USPL1: variants seen among roughly 807,000 people sequenced by gnomAD.
USPL1 encodes the protein ubiquitin specific peptidase like 1.
In USPL1, 27 loss-of-function variants were observed where a neutral mutation model predicts 51.5. That is an observed-to-expected ratio of 0.52 (90% confidence interval 0.39 to 0.72). The LOEUF (loss-of-function observed/expected upper bound fraction) is 0.72, where lower values mean the gene tolerates loss of function less well. Among genes scored for constraint, USPL1 ranks in the 30% least tolerant of loss-of-function variants. USPL1 has a pLI of 0.00. For synonymous variants in USPL1, 451 were observed against 459.6 expected (o/e 0.98, Z 0.24); for missense variants, 1,226 against 1,268.0 (o/e 0.97, Z 0.50).
In USPL1 at chr13:30,659,550, TCTC is replaced by T. The variant is rs144437122; in HGVS notation, c.*197_*199del. 44,064 of 499,294 alleles carry T rather than the reference TCTC, an allele frequency of 0.088. 2,205 individuals are homozygous for T. The highest frequency in any genetic ancestry group is 0.11 in the Middle Eastern group (212 of 1,884). 30.9% of individuals were successfully genotyped at this position (499,294 alleles called of 1,614,324 possible). Reference sequence around the variant, plus strand: ...TACACATTAAAATCACTGAATGTGTTCTCCTTTTTGGTTTCATTTTGTTCTTGT... The same window carrying T: ...TACACATTAAAATCACTGAATGTGTTCTTTTTGGTTTCATTTTGTTCTTGT... On this transcript the variant is annotated 3_prime_UTR_variant, in exon 9 of 9. Transcript: ENST00000255304.
At chr13:30,646,316 AAAC>A (rs982119719) in intron 6 of USPL1, among the ~76,000 whole-genome samples, 1 of 152,098 alleles carries the variant, frequency 6.6e-6, no homozygotes, top group Non-Finnish European at 1.5e-5. Context: ...TAACCTGTGA[AAAC>A]AAAATTTGTT....
chr13:30,645,345 C>G (rs984429160), intron 6 of USPL1, among the ~76,000 whole-genome samples: 3 of 152,248 alleles, frequency 2.0e-5, no homozygotes, highest in African/African-American at 4.8e-5. Context: ...AGATAATACA[C>G]GAACACATAA....
chr13:30,655,393 C>T (rs1258574374), intron 8 of USPL1, among the ~76,000 whole-genome samples: 2 of 152,180 alleles, frequency 1.3e-5, no homozygotes, highest in African/African-American at 4.8e-5. Flanking sequence ...CTAAATTGGC[C>T]TGAAGTGACA....
intron 4 of USPL1, 133 bp downstream of exon 4, chr13:30,631,607 C>A: frequency 1.6e-5 from 13 of 817,016 alleles, no homozygotes; most frequent in Non-Finnish European, 2.2e-5. Flanking sequence ...CTCAGGTGGG[C>A]CTCCCACCTC....
chr13:30,633,887 T>C (rs948820580), intron 4 of USPL1, among the ~76,000 whole-genome samples: 2 of 151,840 alleles, frequency 1.3e-5, no homozygotes, highest in African/African-American at 4.8e-5. Flanking sequence ...ACAAATTGAA[T>C]GCTTTTTCCA....
At chr13:30,648,277 T>C (rs1039032828) in intron 7 of USPL1, among the ~76,000 whole-genome samples, 17 of 152,258 alleles carry the variant, frequency 1.1e-4, no homozygotes, top group African/African-American at 4.1e-4. Context: ...CCAAATACTT[T>C]AAAGACTTAT....
At chr13:30,649,393 A>T (rs1951058875) in intron 7 of USPL1, among the ~76,000 whole-genome samples, 1 of 152,224 alleles carries the variant, frequency 6.6e-6, no homozygotes, top group Admixed American at 6.5e-5. Context: ...TGGGTTCATC[A>T]TGGTGTCATA....
chr13:30,622,901 AT>A (rs1253669805), intron 3 of USPL1, among the ~76,000 whole-genome samples: 1 of 152,074 alleles, frequency 6.6e-6, no homozygotes, highest in Non-Finnish European at 1.5e-5. Flanking sequence ...ATATTCAGTA[AT>A]TTTTTTTATG....
intron 2 of USPL1, 106 bp downstream of exon 2, chr13:30,621,345 T>C (rs1950645015): frequency 6.3e-6 from 5 of 798,966 alleles, no homozygotes; most frequent in Middle Eastern, 2.4e-4. Context: ...AAAAATTGTG[T>C]CTTCCACGGA....
chr13:30,621,632 GTTTAAAATA>G, intron 2 of USPL1, 123 bp from the exon 3 acceptor site: 1 of 675,804 alleles, frequency 1.5e-6, no homozygotes, highest in Admixed American at 4.3e-5. Context: ...TGTTTGCCAT[GTTTAAAATA>G]CCTTGTCAGG....
intron 6 of USPL1, among the ~76,000 whole-genome samples, chr13:30,643,610 GC>G (rs1950978248): frequency 8.4e-5 from 4 of 47,346 alleles, no homozygotes; most frequent in Non-Finnish European, 1.6e-4. Flanking sequence ...ACCCCCCCCC[GC>G]CCTTTTTTTT....
At chr13:30,651,081 T>C (rs1951086114) in intron 7 of USPL1, among the ~76,000 whole-genome samples, 1 of 152,096 alleles carries the variant, frequency 6.6e-6, no homozygotes, top group African/African-American at 2.4e-5. Flanking sequence ...GTAGTAAAAC[T>C]CTGCATTATG....
At chr13:30,632,431 T>TTA (rs1555247843) in intron 4 of USPL1, among the ~76,000 whole-genome samples, 3 of 147,764 alleles carry the variant, frequency 2.0e-5, no homozygotes, top group South Asian at 2.2e-4. Context: ...TTTTTTTTTT[T>TTA]AAGACAGAGC....
intron 3 of USPL1, among the ~76,000 whole-genome samples, chr13:30,628,215 A>C (rs2137624745): frequency 6.6e-6 from 1 of 151,940 alleles, no homozygotes; most frequent in Admixed American, 6.6e-5. Context: ...TGTTTCTATG[A>C]ATCAGACTCA....
At position 30,657,377 on chromosome 13, in the gene USPL1, G is replaced by A. The variant is rs561375656; in HGVS notation, c.1397-97G>A. 2.4e-5 allele frequency: 29 copies of A among 1,232,408 alleles called. No homozygotes were observed. The East Asian group carries it at 6.2e-4, about 26-fold the overall frequency. The allele number at this position is 1,232,408 out of a possible 1,614,324, so 76.3% of individuals were successfully genotyped here. A position where few individuals can be genotyped will look rare whatever the true frequency, so the allele number is the denominator to read the frequency against. ...TGTTTTAGAGTCTTCTCCTTTGGTC[G>A]GTATTCAATGATACAACAGTTGAAA... On this transcript the variant is annotated intron_variant, in intron 8 of 8. Transcript: ENST00000255304.
Position 30,659,055 on chromosome 13 carries a change from T to G in USPL1, c.2978T>G (p.Phe993Cys). 6.2e-7 allele frequency: 1 copy of G among 1,614,208 alleles called. No homozygotes were observed. Among genetic ancestry groups the G allele is most frequent in the Non-Finnish European group, 8.5e-7 (1 of 1,180,036 alleles). ...TELSENGEGD[F>C]RYLGMGDSHI... ...CTGTCAGAAAATGGGGAAGGTGACTTTAGGTATTTGGGAATGGGAGATAGT... is the reference window on the plus strand; with the variant it reads ...CTGTCAGAAAATGGGGAAGGTGACTGTAGGTATTTGGGAATGGGAGATAGT... The change falls in exon 9 of 9, where the codon TTT (phenylalanine) becomes TGT (cysteine). Residue 993 changes from phenylalanine (F) to cysteine (C), a missense_variant. Coordinates refer to ENST00000255304, the MANE Select transcript of USPL1 (RefSeq NM_005800.5).
chr13:30,632,113 C>T (rs1391193469), intron 4 of USPL1, among the ~76,000 whole-genome samples: 4 of 152,216 alleles, frequency 2.6e-5, no homozygotes, highest in East Asian at 3.9e-4. Context: ...TGTCCTTCCC[C>T]AACCCCTCCA....
rs369554637 is a variant in USPL1 at position 30,630,894 on chromosome 13, A to C, written c.288A>C (p.Glu96Asp). Residue 96 changes from glutamate (E) to aspartate (D), a missense_variant, in exon 4 of 9, where the codon GAA becomes GAC. Transcript: ENST00000255304. Reference protein sequence around the residue: ...LNNLISPDLEECHTPHKPQKR... With the variant: ...LNNLISPDLEDCHTPHKPQKR... The stretch of plus-strand genomic sequence containing the variant: ...ACCTAATTTCTCCTGATTTGGAAGA[A>C]TGTCACACTCCACATAAGCCTCAGA... The C allele has an allele frequency of 2.0e-4, 318 of 1,613,812 alleles. 1 individual carries two copies. The highest frequency in any genetic ancestry group is 2.6e-4 in the Non-Finnish European group (302 of 1,179,974).
Position 30,660,554 on chromosome 13 carries a change from T to C in USPL1, c.*1198T>C, listed in dbSNP as rs1181777488. The C allele has an allele frequency of 2.0e-5, 3 of 152,210 alleles. No individual in the cohort carries two copies. The highest frequency in any genetic ancestry group is 7.2e-5 in the African/African-American group (3 of 41,456). 9.4% of individuals were successfully genotyped at this position (152,210 alleles called of 1,614,324 possible). On this transcript the variant is annotated 3_prime_UTR_variant, in exon 9 of 9. Coordinates refer to ENST00000255304, the MANE Select transcript of USPL1 (RefSeq NM_005800.5). ...GCAGATTTAAGTTGTATACGGTATATGAATGTGTGACAGTTTTCCTTATGG... is the reference window on the plus strand; with the variant it reads ...GCAGATTTAAGTTGTATACGGTATACGAATGTGTGACAGTTTTCCTTATGG...
Sources: gnomAD v4.1 joint callset for allele counts (sites outside exome capture counted in the v4.1 genomes callset) on GRCh38, gnomAD v4.1.1 for gene constraint, MANE v1.5 for transcripts, NCBI Gene and HGNC (gene_info 2026-07-23, HGNC 2026-07-21) for gene names.